CYREN: variants seen among roughly 807,000 people sequenced by gnomAD.
CYREN encodes cell cycle regulator of non-homologous end joining.
A neutral mutation model predicts 9.7 loss-of-function variants in CYREN; 7 were observed. The ratio of observed to expected loss-of-function variants is 0.72; its 90% confidence interval spans 0.41 to 1.36. The LOEUF is 1.36. Among genes scored for constraint, CYREN ranks in the 40% most tolerant of loss-of-function variants. The probability of loss-of-function intolerance (pLI) is 0.01; values close to 1 mark genes in which losing one functional copy is unlikely to be tolerated. For synonymous variants in CYREN, 76 were observed against 77.9 expected (o/e 0.98, Z 0.13); for missense variants, 215 against 198.1 (o/e 1.09, Z -0.51).
intron 2 of CYREN, among the ~76,000 whole-genome samples, chr7:135,100,369 T>C (rs1463548289): frequency 6.6e-6 from 1 of 152,176 alleles, no homozygotes; most frequent in East Asian, 1.9e-4. Context: ...AGACAAACTT[T>C]ATAGTTTTGT....
At chr7:135,140,183 C>G (rs1340735095) in intron 2 of CYREN, among the ~76,000 whole-genome samples, 2 of 151,966 alleles carry the variant, frequency 1.3e-5, no homozygotes, top group Non-Finnish European at 2.9e-5. Flanking sequence ...ATCGATTCTT[C>G]CTATCCATGA....
chr7:135,169,042 G>T lies in CYREN; in HGVS notation c.-120C>A. On this transcript the variant is annotated 5_prime_UTR_variant, in exon 2 of 4. Coordinates refer to ENST00000393114, the MANE Select transcript of CYREN (RefSeq NM_024033.4). ...AATTACAGGTCCATTTGTCCTCAGT[G>T]GGAGTTGATCTTTGATTCCTACAAA... 1 of 949,158 alleles carries T rather than the reference G, an allele frequency of 1.1e-6. No homozygotes were observed. The highest frequency in any genetic ancestry group is 1.5e-6 in the Non-Finnish European group (1 of 649,634). 58.8% of individuals were successfully genotyped at this position (949,158 alleles called of 1,614,324 possible).
chr7:135,157,700 T>C (rs1367750879), intron 2 of CYREN, among the ~76,000 whole-genome samples: 1 of 152,222 alleles, frequency 6.6e-6, no homozygotes, highest in Non-Finnish European at 1.5e-5. Flanking sequence ...TTGGTGTTGC[T>C]GGAAGCTGTG....
chr7:135,169,047 T>C lies in CYREN; in HGVS notation c.-125A>G. ...CAGGTCCATTTGTCCTCAGTGGGAG[T>C]TGATCTTTGATTCCTACAAAGAACA... On this transcript the variant is annotated 5_prime_UTR_variant, in exon 2 of 4. Coordinates refer to ENST00000393114, the MANE Select transcript of CYREN (RefSeq NM_024033.4). 3.5e-6 allele frequency: 3 copies of C among 859,278 alleles called. No individual in the cohort carries two copies. The highest frequency in any genetic ancestry group is 3.7e-5 in the South Asian group (2 of 54,402). 53.2% of individuals were successfully genotyped at this position (859,278 alleles called of 1,614,324 possible).
chr7:135,130,130 A>C (rs1828527317), intron 2 of CYREN, among the ~76,000 whole-genome samples: 1 of 152,156 alleles, frequency 6.6e-6, no homozygotes, highest in Non-Finnish European at 1.5e-5. Context: ...AAGCCTTATG[A>C]AAATTATACT....
intron 2 of CYREN, among the ~76,000 whole-genome samples, chr7:135,146,167 G>A (rs1829540903): frequency 6.6e-6 from 1 of 152,162 alleles, no homozygotes. Flanking sequence ...TGTGTCTCAG[G>A]AATAGGGAGA....
intron 2 of CYREN, chr7:135,129,058 A>T: frequency 6.2e-7 from 1 of 1,608,628 alleles, no homozygotes; most frequent in Non-Finnish European, 8.5e-7. Context: ...CAATGCCTCA[A>T]CTGCCCAGAA....
upstream of CYREN, among the ~76,000 whole-genome samples, chr7:135,171,951 G>A (rs1259911765): frequency 2.0e-5 from 3 of 152,274 alleles, no homozygotes; most frequent in Non-Finnish European, 4.4e-5. Flanking sequence ...GGCACTTGAA[G>A]TCCAGACATC....
rs1482504471 is a variant in CYREN, at chr7:135,151,170, A to G, written n.356+17579T>C. ...ATAATTAAGTAAATCAAAACATCACAGCATTCATTAAAAACTTGGTGGTTG... is the reference window on the plus strand; with the variant it reads ...ATAATTAAGTAAATCAAAACATCACGGCATTCATTAAAAACTTGGTGGTTG... On this transcript the variant is annotated intron_variant and non_coding_transcript_variant, in intron 2 of 2. Transcript: ENST00000459937. This position sits in a 1 kb window ranked among gnomAD's most constrained non-coding sequence, Gnocchi z 4.3. Among the ~76,000 whole-genome samples, 3 of 152,216 alleles carry G rather than the reference A, an allele frequency of 2.0e-5. No homozygotes were observed. The highest frequency in any genetic ancestry group is 4.4e-5 in the Non-Finnish European group (3 of 68,034).
intron 2 of CYREN, among the ~76,000 whole-genome samples, chr7:135,158,049 T>G (rs191707349): frequency 6.6e-6 from 1 of 151,734 alleles, no homozygotes; most frequent in East Asian, 1.9e-4. Flanking sequence ...CGGGAGAGCA[T>G]AGATTCCTTG....
chr7:135,166,800 G>A lies in CYREN; in HGVS notation c.285C>T (p.Pro95=). 6.2e-7 allele frequency: 1 copy of A among 1,614,244 alleles called. No homozygotes were observed. Among genetic ancestry groups the A allele is most frequent in the East Asian group, 2.2e-5 (1 of 44,890 alleles). The change falls in exon 4 of 4, where the codon CCC becomes CCT. Residue 95 remains proline, a synonymous_variant. Coordinates refer to ENST00000393114, the MANE Select transcript of CYREN (RefSeq NM_024033.4). ...AGADNPEHSP[P]CSVSPHTSSG... ...AACTTGTGTGAGGCGACACGGAGCA[G>A]GGAGGGGAGTGCTCTGGGTTATCAG...
At position 135,092,475 on chromosome 7, in the gene CYREN, T is replaced by C. The variant is rs1000627359; in HGVS notation, n.2464A>G. On this transcript the variant is annotated non_coding_transcript_exon_variant, in exon 3 of 3. Coordinates refer to the CYREN transcript ENST00000459937. Reference sequence around the variant, plus strand: ...CATAATCTTTCCATTGTTGTTCATGTTCTTTTAAAAATCTGATGTTTCTCT... The same window carrying C: ...CATAATCTTTCCATTGTTGTTCATGCTCTTTTAAAAATCTGATGTTTCTCT... 2.0e-5 allele frequency: 3 copies of C among 152,222 alleles called. No individual in the cohort carries two copies. In the East Asian group the frequency reaches 5.8e-4, roughly 29 times the overall value. The allele number at this position is 152,222 out of a possible 1,614,324, so 9.4% of individuals were successfully genotyped here.
intron 2 of CYREN, among the ~76,000 whole-genome samples, chr7:135,140,095 C>A (rs139362406): frequency 7.0e-4 from 106 of 151,040 alleles, no homozygotes; most frequent in African/African-American, 2.4e-3. Context: ...TTTTCTAATT[C>A]TGTAAAAAAT....
intron 2 of CYREN, among the ~76,000 whole-genome samples, chr7:135,127,648 G>A (rs1828079490): frequency 1.3e-5 from 2 of 152,006 alleles, no homozygotes; most frequent in South Asian, 2.1e-4. Context: ...CAGTCAGAAT[G>A]GCAATTACTA....
intron 2 of CYREN, chr7:135,148,237 A>T (rs769777953): frequency 2.2e-4 from 88 of 404,122 alleles, no homozygotes; most frequent in Non-Finnish European, 3.9e-4. Context: ...TCTCCTTTTC[A>T]TGAGTGTTCC....
At chr7:135,117,889 T>A (rs945587855) in intron 2 of CYREN, among the ~76,000 whole-genome samples, 4 of 152,204 alleles carry the variant, frequency 2.6e-5, no homozygotes, top group African/African-American at 4.8e-5. Flanking sequence ...TGGTTGCCAA[T>A]CAGATTATCT....
chr7:135,102,724 TA>T (rs1009819977), intron 2 of CYREN, among the ~76,000 whole-genome samples: 2 of 151,674 alleles, frequency 1.3e-5, no homozygotes, highest in African/African-American at 4.8e-5. Flanking sequence ...AATATTCATA[TA>T]AAAATTAACC....
chr7:135,164,485 T>C (rs1447735522), downstream of CYREN: 5 of 1,605,102 alleles, frequency 3.1e-6, no homozygotes, highest in African/African-American at 1.3e-5. Flanking sequence ...CTGCTGTTCA[T>C]GAGCATCATA....
At chr7:135,146,639 T>G (rs1829552845) in intron 2 of CYREN, among the ~76,000 whole-genome samples, 1 of 152,218 alleles carries the variant, frequency 6.6e-6, no homozygotes, top group African/African-American at 2.4e-5. Context: ...AGAGGAAGCA[T>G]ACTTCTGGAA....
Sources: allele counts gnomAD v4.1 joint callset (sites outside exome capture counted in the v4.1 genomes callset), GRCh38; gene constraint gnomAD v4.1.1; non-coding constraint Gnocchi (gnomAD v3.1); transcripts MANE v1.5; gene names NCBI Gene and HGNC (gene_info 2026-07-23, HGNC 2026-07-21).